SLC43A2: variants seen among roughly 807,000 people sequenced by gnomAD.
SLC43A2 encodes the protein large neutral amino acids transporter small subunit 4.
SLC43A2 carries 38 observed loss-of-function variants against 63.2 expected under a neutral mutation model. The ratio of observed to expected loss-of-function variants is 0.60; its 90% CI spans 0.46 to 0.79. SLC43A2 has a LOEUF of 0.79. SLC43A2 is among the 30% of genes least tolerant of loss of function. The pLI is 0.00. For synonymous variants in SLC43A2, 322 were observed against 331.0 expected (o/e 0.97, Z 0.30); for missense variants, 644 against 756.2 (o/e 0.85, Z 1.74).
intron 2 of SLC43A2, among the ~76,000 whole-genome samples, chr17:1,624,871 G>C (rs1267142600): frequency 6.6e-6 from 1 of 152,050 alleles, no homozygotes; most frequent in African/African-American, 2.4e-5. Flanking sequence ...ATTCCAGACT[G>C]GGCAACAGAG....
intron 2 of SLC43A2, among the ~76,000 whole-genome samples, chr17:1,617,372 C>A (rs2151076660): frequency 6.6e-6 from 1 of 152,228 alleles, no homozygotes; most frequent in South Asian, 2.1e-4. Context: ...CAGATGCCAC[C>A]TTCTCCCCCT....
chr17:1,604,753 C>T lies in SLC43A2; in HGVS notation c.501+8442G>A, dbSNP rs532542090. 2.0e-5 allele frequency: 31 copies of T among 1,535,844 alleles called. 1 individual carries two copies. In the South Asian group the frequency reaches 3.7e-4, roughly 18 times the overall value. Reference sequence around the variant, plus strand: ...CCCTGCCCTCACCTCCTGCTGTTGCCTTCGGCTGACCTCCCCATGGTCCAG... The same window carrying T: ...CCCTGCCCTCACCTCCTGCTGTTGCTTTCGGCTGACCTCCCCATGGTCCAG... On this transcript the variant is annotated intron_variant, in intron 5 of 13. Transcript: ENST00000301335.
chr17:1,608,683 C>T (rs1000487195), intron 5 of SLC43A2, among the ~76,000 whole-genome samples: 7 of 152,044 alleles, frequency 4.6e-5, no homozygotes, highest in East Asian at 1.9e-4. Flanking sequence ...TGTGAGCCAC[C>T]GCACCCGGCC....
rs544915433 is a variant in SLC43A2 at position 1,613,349 on chromosome 17, G to A, written c.425-78C>T. 4.1e-4 allele frequency: 538 copies of A among 1,299,284 alleles called. 4 individuals carry two copies. The African/African-American group carries it at 5.3e-3, about 13-fold the overall frequency. The allele number at this position is 1,299,284 out of a possible 1,614,324, so 80.5% of individuals were successfully genotyped here. A position where few individuals can be genotyped will look rare whatever the true frequency, so the allele number is the denominator to read the frequency against. On this transcript the variant is annotated intron_variant, in intron 4 of 13. Transcript: ENST00000301335. ...AGCCGGGACCAGCCCAGAGTCCTGCGCGGTGCAGGCTCCCAGTAAATCCAG... is the reference window on the plus strand; with the variant it reads ...AGCCGGGACCAGCCCAGAGTCCTGCACGGTGCAGGCTCCCAGTAAATCCAG...
At chr17:1,591,089 G>A (rs1450130512) in intron 8 of SLC43A2, 141 bp from the exon 9 acceptor site, 2 of 1,241,808 alleles carry the variant, frequency 1.6e-6, no homozygotes, top group East Asian at 2.5e-5. Flanking sequence ...GCGCTGCGGT[G>A]GGGTCACCTC....
chr17:1,586,819 G>T, intron 9 of SLC43A2: 1 of 954,556 alleles, frequency 1.0e-6, no homozygotes, highest in Non-Finnish European at 1.5e-6. Flanking sequence ...GATTGCCCCA[G>T]TTTTACCCCC....
At position 1,616,715 on chromosome 17, in the gene SLC43A2, A is replaced by G; in HGVS notation, c.215T>C (p.Val72Ala). Residue 72 changes from valine to alanine, a missense_variant, in exon 3 of 14, where the codon GTG becomes GCG. Physicochemically the swap from Val to Ala is moderately conservative, Grantham distance 64. Around this residue, in one of 3 missense-constraint regions of SLC43A2, gnomAD observed 528 missense variants for 623.6 expected, o/e 0.85. Coordinates refer to ENST00000301335, the MANE Select transcript of SLC43A2 (RefSeq NM_152346.3). ...GGTAEPGHEE[V>A]SWMNGWLSCQ... ...GCTGAGCCAGCCGTTCATCCAGCTC[A>G]CCTCCTCGTGCCCCGGCTCTGCTGT... 1 of 1,613,616 alleles carries G rather than the reference A, an allele frequency of 6.2e-7. No homozygotes were observed.
intron 2 of SLC43A2, among the ~76,000 whole-genome samples, chr17:1,621,597 C>A (rs997205708): frequency 1.3e-5 from 2 of 152,222 alleles, no homozygotes; most frequent in Admixed American, 6.5e-5. Context: ...GGCCCCTGAG[C>A]AGTGGTCCCA....
At chr17:1,586,929 C>CCCCCCCCCCCCCCCCCCCCCGGG in intron 9 of SLC43A2, 1 of 657,348 alleles carries the variant, frequency 1.5e-6, no homozygotes, top group Non-Finnish European at 2.5e-6. Flanking sequence ...CCCTGACAAT[C>CCCCCCCCCCCCCCCCCCCCCGGG]CCCCCCACCC....
At chr17:1,582,424 C>T (rs528360231) in intron 11 of SLC43A2, among the ~76,000 whole-genome samples, 1 of 152,318 alleles carries the variant, frequency 6.6e-6, no homozygotes, top group Admixed American at 6.5e-5. Context: ...AGGTCTTCCT[C>T]CACTCTGTTC....
intron 5 of SLC43A2, among the ~76,000 whole-genome samples, chr17:1,603,766 C>T (rs1399319140): frequency 6.6e-6 from 1 of 152,048 alleles, no homozygotes; most frequent in Non-Finnish European, 1.5e-5. Flanking sequence ...GTCTGGGCAA[C>T]AAGAGTGAAA....
chr17:1,609,962 T>C (rs1301509673), intron 5 of SLC43A2, among the ~76,000 whole-genome samples: 1 of 152,108 alleles, frequency 6.6e-6, no homozygotes, highest in Non-Finnish European at 1.5e-5. Flanking sequence ...CAGGCTGGAA[T>C]GCAATGCCGC....
chr17:1,577,478 G>A lies in SLC43A2; in HGVS notation c.1425-758C>T, dbSNP rs2151027313. ...CTTCCTCCAGGCCTGGGGAGGGGCA[G>A]GCGGAGGGCAAGCGGAGCTGGGATT... On this transcript the variant is annotated intron_variant, in intron 12 of 13. Transcript: ENST00000301335. The surrounding 1 kb of genome is among the most constrained non-coding windows in gnomAD (Gnocchi z 4.9). Among the ~76,000 whole-genome samples, 1 of 152,344 alleles carries A rather than the reference G, an allele frequency of 6.6e-6. No individual in the cohort carries two copies. Among genetic ancestry groups the A allele is most frequent in the East Asian group, 1.9e-4 (1 of 5,188 alleles).
chr17:1,575,668 C>T lies in SLC43A2; in HGVS notation c.1646G>A (p.Arg549Lys), dbSNP rs746472514. ...RRQLERQLQQ[R>K]QEDDKLFLKI... ...GAGGAAGAGTTTGTCATCCTCCTGC[C>T]TCTGCTGCAGCTGCCGCTCCAGCTG... Residue 549 changes from arginine (R) to lysine (K), a missense_variant, in exon 14 of 14, where the codon AGG becomes AAG. Physicochemically the swap from Arg to Lys is conservative, Grantham distance 26. Transcript: ENST00000301335. 6.2e-7 allele frequency: 1 copy of T among 1,614,018 alleles called. No homozygotes were observed. Among genetic ancestry groups the T allele is most frequent in the South Asian group, 1.1e-5 (1 of 91,086 alleles).
chr17:1,615,080 T>A, intron 3 of SLC43A2, 46 bp from the exon 4 acceptor site: 2 of 1,609,196 alleles, frequency 1.2e-6, no homozygotes, highest in Non-Finnish European at 1.7e-6. Context: ...TATGACTTTA[T>A]TCAGTGTTAT....
chr17:1,591,380 T>G lies in SLC43A2; in HGVS notation c.820A>C (p.Ser274Arg). The change falls in exon 8 of 14, where the codon AGT (serine) becomes CGT (arginine). Residue 274 changes from serine (S) to arginine (R), a missense_variant. Physicochemically the swap from Ser to Arg is moderately radical, Grantham distance 110. This residue lies in a region of SLC43A2 where 528 missense variants were observed against 623.6 expected (regional missense o/e 0.85). Coordinates refer to ENST00000301335, the MANE Select transcript of SLC43A2 (RefSeq NM_152346.3). ...KQVTTVGRRL[S>R]VGSSMRSAKE... ...GCACTCCTCATGGAGCTGCCCACAC[T>G]CAGGCGCCGGCCCACCGTGGTCACC... The G allele has an allele frequency of 6.2e-7, 1 of 1,612,356 alleles. No homozygotes were observed. Among genetic ancestry groups the G allele is most frequent in the Non-Finnish European group, 8.5e-7 (1 of 1,179,960 alleles).
chr17:1,628,078 G>T, intron 1 of SLC43A2, 158 bp from the exon 2 acceptor site: 1 of 692,962 alleles, frequency 1.4e-6, no homozygotes, highest in Non-Finnish European at 2.0e-6. Flanking sequence ...GCCCTGCCCG[G>T]ACCTGGGACA....
upstream of SLC43A2, among the ~76,000 whole-genome samples, chr17:1,629,643 G>A (rs1429910556): frequency 6.6e-6 from 1 of 152,184 alleles, no homozygotes; most frequent in Admixed American, 6.5e-5. Context: ...CGGTCCTCCG[G>A]GGACCCTCCA....
intron 9 of SLC43A2, chr17:1,586,928 T>TGGGCCCC: frequency 2.8e-5 from 35 of 1,232,876 alleles, no homozygotes; most frequent in Non-Finnish European, 3.8e-5. Flanking sequence ...TCCCTGACAA[T>TGGGCCCC]CCCCCCCACC....
Sources: gnomAD v4.1 joint callset for allele counts (sites outside exome capture counted in the v4.1 genomes callset) on GRCh38, gnomAD v4.1.1 for gene constraint, gnomAD v4.1.1 regional missense constraint, Gnocchi (gnomAD v3.1) non-coding constraint, MANE v1.5 for transcripts, NCBI Gene and HGNC (gene_info 2026-07-23, HGNC 2026-07-21) for gene names.